The following FAM83A variants were observed in gnomAD, a reference collection of about 807,000 sequenced individuals.
FAM83A encodes scaffolding CK1 anchoring protein A.
Under a neutral mutation model 24.4 loss-of-function variants are expected in FAM83A, and 21 were observed. The ratio of observed to expected loss-of-function variants is 0.86; its 90% CI spans 0.61 to 1.24. FAM83A has a LOEUF of 1.24. FAM83A is among the 50% of genes most tolerant of loss of function. FAM83A has a pLI of 0.00. For missense variants in FAM83A, 617 were observed against 579.8 expected (o/e 1.06, Z -0.66); for synonymous variants, 270 against 252.4 (o/e 1.07, Z -0.66).
chr8:123,205,050 T>C (rs1252686123), intron 3 of FAM83A, among the ~76,000 whole-genome samples: 1 of 151,578 alleles, frequency 6.6e-6, no homozygotes, highest in East Asian at 1.9e-4. Flanking sequence ...AGGCAGAGGC[T>C]GCGATGAGCC....
intron 3 of FAM83A, among the ~76,000 whole-genome samples, chr8:123,205,341 G>T (rs1245188403): frequency 6.6e-6 from 1 of 152,208 alleles, no homozygotes; most frequent in Non-Finnish European, 1.5e-5. Context: ...AACAGAGGGC[G>T]ACTGGCTTCT....
chr8:123,207,750 C>A, exon 4 of FAM83A: 1 of 1,409,024 alleles, frequency 7.1e-7, no homozygotes, highest in Non-Finnish European at 9.2e-7. Flanking sequence ...GACCCAAAGA[C>A]CCACCTCAAC....
At chr8:123,203,884 G>A (rs1824450476) in intron 3 of FAM83A, among the ~76,000 whole-genome samples, 1 of 149,622 alleles carries the variant, frequency 6.7e-6, no homozygotes, top group Admixed American at 6.7e-5. Context: ...TTGAACCCAG[G>A]AGGCAGAGGT....
intron 1 of FAM83A, among the ~76,000 whole-genome samples, chr8:123,187,037 T>C (rs891031462): frequency 6.6e-6 from 1 of 151,942 alleles, no homozygotes; most frequent in African/African-American, 2.4e-5. Flanking sequence ...AGGGCAGGCT[T>C]CACGGAAGAG....
intron 1 of FAM83A, 94 bp from the exon 2 acceptor site, chr8:123,191,709 C>A (rs1310029107): frequency 5.2e-6 from 7 of 1,356,160 alleles, no homozygotes; most frequent in South Asian, 2.6e-5. Flanking sequence ...GGGAACAGCT[C>A]TCCCAGGCCC....
rs747208200 is a variant in FAM83A at position 123,209,511 on chromosome 8, T to G, written c.*1823T>G. The stretch of plus-strand genomic sequence containing the variant: ...TGGCTTTCTGAACCCAGCCCTGACC[T>G]TGTTGTTTCACAGCTGACGGCTGAG... On this transcript the variant is annotated 3_prime_UTR_variant, in exon 4 of 4. Coordinates refer to ENST00000690554, the Ensembl canonical transcript of FAM83A. The surrounding 1 kb of genome is among the most constrained non-coding windows in gnomAD (Gnocchi z 4.7). The G allele has an allele frequency of 6.2e-7, 1 of 1,614,108 alleles. No homozygotes were observed.
intron 1 of FAM83A, among the ~76,000 whole-genome samples, chr8:123,185,312 G>A (rs1274586166): frequency 6.6e-6 from 1 of 152,226 alleles, no homozygotes; most frequent in Admixed American, 6.5e-5. Context: ...CTCCCGAGGG[G>A]TGGGGACCAA....
intron 1 of FAM83A, 76 bp downstream of exon 1, chr8:123,183,412 T>A: frequency 6.5e-7 from 1 of 1,533,544 alleles, no homozygotes; most frequent in Non-Finnish European, 8.8e-7. Context: ...GGGAGGGGGG[T>A]GCATTTTGCT....
intron 3 of FAM83A, chr8:123,201,811 A>G (rs11779458): frequency 0.24 from 35,846 of 152,178 alleles, 4,398 homozygotes; most frequent in African/African-American, 0.29. Flanking sequence ...AGGGCCATCA[A>G]GAAAAATTGC....
In FAM83A at chr8:123,196,043, G is replaced by A. The variant is rs142226353; in HGVS notation, c.773+1895G>A. ...TTTTGTTTTTTTGAGACGGAGTCTCGCTCTGTCACCCAGGCTGGAGTGCAG... is the reference window on the plus strand; with the variant it reads ...TTTTGTTTTTTTGAGACGGAGTCTCACTCTGTCACCCAGGCTGGAGTGCAG... On this transcript the variant is annotated intron_variant, in intron 3 of 3. Transcript: ENST00000690554. Among the ~76,000 whole-genome samples, 612 of 152,256 alleles carry A rather than the reference G, an allele frequency of 4.0e-3. 5 individuals carry two copies. Among genetic ancestry groups the A allele is most frequent in the African/African-American group, 0.014 (576 of 41,548 alleles).
At chr8:123,193,460 G>A (rs1225776230) in intron 2 of FAM83A, among the ~76,000 whole-genome samples, 2 of 150,098 alleles carry the variant, frequency 1.3e-5, no homozygotes, top group African/African-American at 4.9e-5. Context: ...CTTTTTTTTT[G>A]TTGCCAGCTG....
intron 3 of FAM83A, among the ~76,000 whole-genome samples, chr8:123,196,134 C>T (rs937203252): frequency 6.6e-5 from 10 of 152,220 alleles, no homozygotes; most frequent in African/African-American, 2.4e-4. Context: ...GCCTCAGCCT[C>T]CCTTGTAGCT....
intron 1 of FAM83A, among the ~76,000 whole-genome samples, chr8:123,189,645 T>C (rs1823908666): frequency 6.6e-6 from 1 of 152,214 alleles, no homozygotes; most frequent in Non-Finnish European, 1.5e-5. Context: ...CTCAAAAGAA[T>C]GCAACAGTTT....
chr8:123,187,166 C>T (rs1823830129), intron 1 of FAM83A, among the ~76,000 whole-genome samples: 1 of 152,092 alleles, frequency 6.6e-6, no homozygotes, highest in African/African-American at 2.4e-5. Context: ...TGAGAGGGCC[C>T]ATGTGTCTTG....
In FAM83A at chr8:123,200,966, AAAATAT is replaced by A. The variant is rs939866550; in HGVS notation, c.774-6189_774-6184del. ...GTCTCAAACAAATAAACAAAAAAAA[AAAATAT>A]ATATATATATATACACATATATACA... On this transcript the variant is annotated intron_variant, in intron 3 of 3. Coordinates refer to ENST00000690554, the Ensembl canonical transcript of FAM83A. 3.1e-4 allele frequency among the ~76,000 whole-genome samples: 45 copies of A among 145,028 alleles called. No homozygotes were observed. The East Asian group carries it at 8.7e-3, about 28-fold the overall frequency.
Position 123,209,571 on chromosome 8 carries a change from C to A in FAM83A, c.*1883C>A. Reference sequence around the variant, plus strand: ...GAATGACTGGGCCCGGCTGAACATTCCAAATTGGATTTCACCATCTGCTGA... The same window carrying A: ...GAATGACTGGGCCCGGCTGAACATTACAAATTGGATTTCACCATCTGCTGA... On this transcript the variant is annotated 3_prime_UTR_variant, in exon 4 of 4. Transcript: ENST00000690554. This position sits in a 1 kb window ranked among gnomAD's most constrained non-coding sequence, Gnocchi z 4.7. 1 of 1,612,136 alleles carries A rather than the reference C, an allele frequency of 6.2e-7. No homozygotes were observed.
chr8:123,179,302 A>T (rs1823539193), upstream of FAM83A: 1 of 152,166 alleles, frequency 6.6e-6, no homozygotes, highest in Non-Finnish European at 1.5e-5. Context: ...TAATGTCATT[A>T]TCATGGGAGC....
chr8:123,207,469 C>T, exon 4 of FAM83A: 1 of 1,586,610 alleles, frequency 6.3e-7, no homozygotes, highest in Non-Finnish European at 8.6e-7. Flanking sequence ...CGGCCCCACA[C>T]CCGCCTCCAC....
At chr8:123,204,485 G>A (rs768888755) in intron 3 of FAM83A, among the ~76,000 whole-genome samples, 3 of 152,122 alleles carry the variant, frequency 2.0e-5, no homozygotes, top group South Asian at 4.1e-4. Flanking sequence ...TGTATTGGCC[G>A]GGCGCAGTGG....
Sources: gnomAD v4.1 joint callset for allele counts (sites outside exome capture counted in the v4.1 genomes callset) on GRCh38, gnomAD v4.1.1 for gene constraint, Gnocchi (gnomAD v3.1) non-coding constraint, MANE v1.5 for transcripts, NCBI Gene and HGNC (gene_info 2026-07-23, HGNC 2026-07-21) for gene names.